FNDC3A: variants seen among roughly 807,000 people sequenced by gnomAD.
The protein encoded by FNDC3A is fibronectin type-III domain-containing protein 3A.
FNDC3A carries 32 observed loss-of-function variants against 148.9 expected under a neutral mutation model. That is an observed-to-expected ratio of 0.21 (90% confidence interval 0.16 to 0.29). The LOEUF (loss-of-function observed/expected upper bound fraction) is 0.29, where lower values mean the gene tolerates loss of function less well. Ranked by LOEUF, FNDC3A falls within the 10% of genes least tolerant of loss-of-function variation. FNDC3A has a pLI of 1.00. For synonymous variants in FNDC3A, 472 were observed against 473.6 expected (o/e 1.00, Z 0.04); for missense variants, 1,191 against 1,452.8 (o/e 0.82, Z 2.93).
chr13:49,032,774 A>G (rs1874218574), intron 2 of FNDC3A, among the ~76,000 whole-genome samples: 2 of 152,068 alleles, frequency 1.3e-5, no homozygotes, highest in Admixed American at 6.5e-5. Flanking sequence ...TTTTGAGGTG[A>G]TAAGAATGTT....
At position 49,189,187 on chromosome 13, in the gene FNDC3A, G is replaced by GAA. The variant is rs1566317296; in HGVS notation, c.1944+554_1944+555insAA. ...TGATTTTTTTTTTTTTTGGGAAACA[G>GAA]TCTCACTCTGTCGCCCAGGCTGGAG... On this transcript the variant is annotated intron_variant, in intron 17 of 25. Coordinates refer to ENST00000492622, the MANE Select transcript of FNDC3A (RefSeq NM_001079673.2). Among the ~76,000 whole-genome samples the GAA allele has an allele frequency of 2.1e-5, 3 of 146,332 alleles. No homozygotes were observed. The South Asian group carries it at 6.5e-4, about 32-fold the overall frequency.
At chr13:49,012,901 C>T (rs950671939) in intron 2 of FNDC3A, among the ~76,000 whole-genome samples, 1 of 149,524 alleles carries the variant, frequency 6.7e-6, no homozygotes, top group Non-Finnish European at 1.5e-5. Context: ...GCTTCAATAT[C>T]CAGCAACCTT....
rs1881043763 is a variant in FNDC3A at position 49,117,473 on chromosome 13, T to G, written c.252+2742T>G. The stretch of plus-strand genomic sequence containing the variant: ...AAAATTCTACCCATCCTTGAGGGCC[T>G]ACCTAGATCATGTTATTGAACCACT... On this transcript the variant is annotated intron_variant, in intron 4 of 25. Transcript: ENST00000492622. Among the ~76,000 whole-genome samples the G allele has an allele frequency of 2.0e-5, 3 of 152,230 alleles. No homozygotes were observed. In the South Asian group the frequency reaches 6.2e-4, roughly 32 times the overall value.
At chr13:49,037,013 A>G (rs1016387993) in intron 2 of FNDC3A, among the ~76,000 whole-genome samples, 4 of 152,240 alleles carry the variant, frequency 2.6e-5, no homozygotes, top group African/African-American at 9.6e-5. Context: ...AAGGATCAGT[A>G]TAGGAAAATA....
At chr13:49,132,596 A>C (rs1882101228) in intron 5 of FNDC3A, among the ~76,000 whole-genome samples, 2 of 152,228 alleles carry the variant, frequency 1.3e-5, no homozygotes, top group African/African-American at 4.8e-5. Context: ...AATGATCCCT[A>C]GGAACCAAAA....
At chr13:49,191,446 A>T in intron 19 of FNDC3A, 62 bp downstream of exon 19, 1 of 1,328,002 alleles carries the variant, frequency 7.5e-7, no homozygotes, top group Non-Finnish European at 1.0e-6. Flanking sequence ...ATTTTAACAT[A>T]TATCATCATA....
intron 2 of FNDC3A, among the ~76,000 whole-genome samples, chr13:49,068,852 T>G (rs565358046): frequency 6.6e-6 from 1 of 152,200 alleles, no homozygotes; most frequent in South Asian, 2.1e-4. Flanking sequence ...AGCTAAATGA[T>G]GAGAACACAT....
chr13:49,175,251 A>G (rs1305562418), intron 12 of FNDC3A, 116 bp from the exon 13 acceptor site: 6 of 596,058 alleles, frequency 1.0e-5, no homozygotes, highest in Non-Finnish European at 1.7e-5. Context: ...TATTATTTGT[A>G]TTATAATTCA....
intron 2 of FNDC3A, among the ~76,000 whole-genome samples, chr13:49,011,532 G>A (rs185320145): frequency 2.8e-4 from 43 of 152,198 alleles, no homozygotes; most frequent in Non-Finnish European, 5.1e-4. Flanking sequence ...CCGGCGGCTG[G>A]CATCTTTGGT....
At chr13:49,198,334 C>T (rs1197396380) in intron 22 of FNDC3A, 28 bp from the exon 23 acceptor site, 6 of 1,612,174 alleles carry the variant, frequency 3.7e-6, no homozygotes, top group Admixed American at 3.4e-5. Flanking sequence ...CAATCATAAC[C>T]AAACTTTTTT....
intron 1 of FNDC3A, among the ~76,000 whole-genome samples, chr13:49,000,262 AGT>A (rs1343244301): frequency 2.0e-5 from 3 of 152,212 alleles, no homozygotes; most frequent in African/African-American, 7.2e-5. Flanking sequence ...TTTTGTATAT[AGT>A]GTAAGATAAT....
intron 3 of FNDC3A, among the ~76,000 whole-genome samples, chr13:49,108,355 G>A (rs987885179): frequency 3.2e-4 from 49 of 152,104 alleles, no homozygotes; most frequent in African/African-American, 1.2e-3. Flanking sequence ...CAAGGAAGAA[G>A]GAACTTTAGC....
chr13:49,029,206 G>T (rs1303659327), intron 2 of FNDC3A, among the ~76,000 whole-genome samples: 1 of 151,932 alleles, frequency 6.6e-6, no homozygotes, highest in Non-Finnish European at 1.5e-5. Context: ...TAAAGAGATA[G>T]AAATAATACA....
At chr13:49,134,264 AT>A (rs1193265256) in intron 5 of FNDC3A, among the ~76,000 whole-genome samples, 4 of 152,164 alleles carry the variant, frequency 2.6e-5, no homozygotes, top group Non-Finnish European at 4.4e-5. Flanking sequence ...ACATATAAGT[AT>A]TTCATATAAA....
intron 2 of FNDC3A, among the ~76,000 whole-genome samples, chr13:49,017,280 G>T (rs1356082381): frequency 6.6e-6 from 1 of 152,120 alleles, no homozygotes; most frequent in Admixed American, 6.5e-5. Context: ...ATGAGTCTTG[G>T]TGCTCCTGTA....
chr13:49,147,333 G>A (rs1883052289), intron 8 of FNDC3A, among the ~76,000 whole-genome samples: 2 of 152,104 alleles, frequency 1.3e-5, no homozygotes, highest in Non-Finnish European at 2.9e-5. Flanking sequence ...AGGTCTCTAA[G>A]GATGCTACTG....
intron 2 of FNDC3A, among the ~76,000 whole-genome samples, chr13:49,026,203 A>G (rs1336400819): frequency 6.6e-6 from 1 of 152,244 alleles, no homozygotes; most frequent in Non-Finnish European, 1.5e-5. Flanking sequence ...ATGAATAAAA[A>G]TAAAAATTTC....
intron 1 of FNDC3A, among the ~76,000 whole-genome samples, chr13:49,000,622 A>G (rs1015291685): frequency 3.9e-5 from 6 of 152,188 alleles, no homozygotes; most frequent in African/African-American, 1.4e-4. Context: ...AGCTATTGGT[A>G]TTTTGATAGG....
At position 49,132,830 on chromosome 13, in the gene FNDC3A, T is replaced by C. The variant is rs993215310; in HGVS notation, c.490+1456T>C. The stretch of plus-strand genomic sequence containing the variant: ...GAGAGACCTTCCTGATCTTACCTTG[T>C]TAGTCTCTAGCACTGAACTTTGTAT... On this transcript the variant is annotated intron_variant, in intron 5 of 25. Coordinates refer to ENST00000492622, the MANE Select transcript of FNDC3A (RefSeq NM_001079673.2). 3.3e-5 allele frequency among the ~76,000 whole-genome samples: 5 copies of C among 152,346 alleles called. No individual in the cohort carries two copies. The South Asian group carries it at 6.2e-4, about 19-fold the overall frequency.
Sources: allele counts gnomAD v4.1 joint callset (sites outside exome capture counted in the v4.1 genomes callset), GRCh38; gene constraint gnomAD v4.1.1; transcripts MANE v1.5; gene names NCBI Gene and HGNC (gene_info 2026-07-23, HGNC 2026-07-21).